The following TUBGCP6 variants were observed in gnomAD, a reference collection of about 807,000 sequenced individuals.
The protein encoded by TUBGCP6 is gamma-tubulin complex component 6.
TUBGCP6 carries 161 observed loss-of-function variants against 175.8 expected under a neutral mutation model. That is an observed-to-expected ratio of 0.92 (90% CI 0.81 to 1.04). The LOEUF (loss-of-function observed/expected upper bound fraction) is 1.04, where lower values mean the gene tolerates loss of function less well. Ranked by LOEUF, TUBGCP6 falls within the 50% of genes least tolerant of loss-of-function variation. The pLI is 0.00. For missense variants in TUBGCP6, 2,572 were observed against 2,433.0 expected, an observed-to-expected ratio of 1.06 and a Z score of -1.20; for synonymous variants, 1,173 against 1,030.5, an observed-to-expected ratio of 1.14 and a Z score of -2.65.
intron 21 of TUBGCP6, 21 bp downstream of exon 21, chr22:50,218,682 G>T: frequency 8.7e-6 from 14 of 1,613,264 alleles, no homozygotes; most frequent in Non-Finnish European, 1.1e-5. Context: ...CCCATCCCCC[G>T]CGGCCAGGGC....
Position 50,219,473 on chromosome 22 carries a change from A to G in TUBGCP6, c.4316-17T>C. ...GCGGCTCGGCTGCGGGAGATGGAGC[A>G]CGCACGTGCTGGGAACCGGCCAGCC... On this transcript the variant is annotated splice_polypyrimidine_tract_variant and intron_variant, in intron 18 of 24. Coordinates refer to ENST00000248846, the MANE Select transcript of TUBGCP6 (RefSeq NM_020461.4). The G allele has an allele frequency of 6.3e-7, 1 of 1,590,334 alleles. No homozygotes were observed. The highest frequency in any genetic ancestry group is 8.6e-7 in the Non-Finnish European group (1 of 1,169,532).
intron 10 of TUBGCP6, 57 bp from the exon 11 acceptor site, chr22:50,224,649 G>A (rs987527732): frequency 1.9e-6 from 3 of 1,577,432 alleles, no homozygotes; most frequent in Non-Finnish European, 2.6e-6. Flanking sequence ...GCTCACGCCT[G>A]TAATCCTGGC....
At chr22:50,223,468 G>A (rs1442375983) in intron 13 of TUBGCP6, 1 of 153,124 alleles carries the variant, frequency 6.5e-6, no homozygotes, top group Non-Finnish European at 1.5e-5. Context: ...GACAGACGCA[G>A]ATGCTGTGCT....
At chr22:50,242,662 G>C (rs749718796) in intron 1 of TUBGCP6, among the ~76,000 whole-genome samples, 5 of 152,354 alleles carry the variant, frequency 3.3e-5, no homozygotes, top group South Asian at 2.1e-4. Context: ...GAGCTACAGC[G>C]TACCATGGTA....
rs1258279357 is a variant in TUBGCP6 at position 50,225,813 on chromosome 22, G to C, written c.1964C>G (p.Ser655Cys). Residue 655 changes from serine to cysteine, a missense_variant, in exon 10 of 25, where the codon TCT becomes TGT. Ser to Cys is a moderately radical substitution (Grantham distance 112, BLOSUM62 -1). Coordinates refer to ENST00000248846, the MANE Select transcript of TUBGCP6 (RefSeq NM_020461.4). The part of the protein sequence containing the change: ...GRMERVARHS[S>C]VSKEEKELRM... ...ACGCACCTTCTCCTCCTTGCTGACA[G>C]AGCTGTGGCGGGCCACCCTCTCCAT... The C allele has an allele frequency of 6.2e-7, 1 of 1,613,328 alleles. No homozygotes were observed. The highest frequency in any genetic ancestry group is 8.5e-7 in the Non-Finnish European group (1 of 1,179,644).
Position 50,221,426 on chromosome 22 carries a change from C to A in TUBGCP6, c.2933G>T (p.Gly978Val). The change falls in exon 16 of 25, where the codon GGC becomes GTC. Residue 978 changes from glycine to valine, a missense_variant. Gly to Val is a moderately radical substitution (Grantham distance 109). Transcript: ENST00000248846. The stretch of plus-strand genomic sequence containing the variant: ...CTCCCACAGCTGTAGCCCTGAGCTG[C>A]CCAAGCTGCACTCTGCAGCCTGCAG... ...GPLQAAECSL[G>V]SSGLQLWEDS... The A allele has an allele frequency of 6.2e-7, 1 of 1,601,416 alleles. No individual in the cohort carries two copies.
chr22:50,221,829 C>T lies in TUBGCP6; in HGVS notation c.2530G>A (p.Asp844Asn), dbSNP rs1312677663. The change falls in exon 16 of 25, where the codon GAT (aspartate) becomes AAT (asparagine). Residue 844 changes from aspartate to asparagine, a missense_variant. Transcript: ENST00000248846. ...GAGTGTTGCTCTGCAGACCCAGAAT[C>T]ACAGCCTTGGCCTCCCTCTGGGTGC... ...PEHPEGGQGC[D>N]SGSAEQHSPA... 1 of 1,511,270 alleles carries T rather than the reference C, an allele frequency of 6.6e-7. No homozygotes were observed. Among genetic ancestry groups the T allele is most frequent in the South Asian group, 1.3e-5 (1 of 74,994 alleles). 93.6% of individuals were successfully genotyped at this position (1,511,270 alleles called of 1,614,324 possible). A position where few individuals can be genotyped will look rare whatever the true frequency, so the allele number is the denominator to read the frequency against.
Position 50,220,232 on chromosome 22 carries a change from C to G in TUBGCP6, c.4108+19G>C, listed in dbSNP as rs2064493640. 6.5e-7 allele frequency: 1 copy of G among 1,543,650 alleles called. No individual in the cohort carries two copies. The highest frequency in any genetic ancestry group is 1.2e-5 in the South Asian group (1 of 80,822). The stretch of plus-strand genomic sequence containing the variant: ...CGTCCCACAGTCCCACTCCTGACCA[C>G]CAGCCACCCTACTCTGACCTAGTTC... On this transcript the variant is annotated intron_variant, in intron 16 of 24. Coordinates refer to ENST00000248846, the MANE Select transcript of TUBGCP6 (RefSeq NM_020461.4).
At chr22:50,238,560 C>T (rs1351570412) in intron 2 of TUBGCP6, among the ~76,000 whole-genome samples, 6 of 135,100 alleles carry the variant, frequency 4.4e-5, no homozygotes, top group African/African-American at 8.4e-5. Context: ...TTTTTTGAGA[C>T]GGAGTCTCGC....
chr22:50,226,276 C>T lies in TUBGCP6; in HGVS notation c.1693+11G>A. ...GCACGGACCCCTGCCCCGCAATCAG[C>T]TGCCACCTACCTCGGAAGCTGAGGT... is the stretch of plus-strand genomic sequence containing the variant. On this transcript the variant is annotated intron_variant, in intron 8 of 24. Coordinates refer to ENST00000248846, the MANE Select transcript of TUBGCP6 (RefSeq NM_020461.4). 6.2e-7 allele frequency: 1 copy of T among 1,614,046 alleles called. No individual in the cohort carries two copies. The highest frequency in any genetic ancestry group is 8.5e-7 in the Non-Finnish European group (1 of 1,180,010).
At position 50,244,370 on chromosome 22, in the gene TUBGCP6, C is replaced by T. The variant is rs778636458; in HGVS notation, c.90G>A (p.Arg30=). ...KTHLGQRSVN[R]KRAKRSLKKV... Reference sequence around the variant, plus strand: ...TCTTGAGGCTCCGCTTTGCCCTCTTCCGGTTCACACTGCGCTGGCCCAGGT... The same window carrying T: ...TCTTGAGGCTCCGCTTTGCCCTCTTTCGGTTCACACTGCGCTGGCCCAGGT... Residue 30 remains arginine, a synonymous_variant, in exon 1 of 25, where the codon CGG becomes CGA. Transcript: ENST00000248846. 10 of 1,613,286 alleles carry T rather than the reference C, an allele frequency of 6.2e-6. No homozygotes were observed. In the East Asian group the frequency reaches 8.9e-5, roughly 14 times the overall value.
rs192806961 is a variant in TUBGCP6, at chr22:50,224,204, C to T, written c.2207G>A (p.Arg736His). The T allele has an allele frequency of 5.7e-5, 92 of 1,614,112 alleles. No individual in the cohort carries two copies. In the African/African-American group the frequency reaches 7.6e-4, roughly 13 times the overall value. ...CCTTCTCTCCCTGTCTCGGAGTTCA[C>T]GGGCGTAGCTGAAGTCATCATCCAG... ...EELDDDFSYA[R>H]ELRDRERRLK... Residue 736 changes from arginine (R) to histidine (H), a missense_variant, in exon 13 of 25, where the codon CGT (arginine) becomes CAT (histidine). Coordinates refer to ENST00000248846, the MANE Select transcript of TUBGCP6 (RefSeq NM_020461.4).
At chr22:50,233,918 A>G (rs1004285966) in intron 2 of TUBGCP6, among the ~76,000 whole-genome samples, 5 of 152,070 alleles carry the variant, frequency 3.3e-5, no homozygotes, top group Admixed American at 1.3e-4. Flanking sequence ...ACACCCATGT[A>G]CACAACAGCA....
intron 3 of TUBGCP6, among the ~76,000 whole-genome samples, chr22:50,231,817 G>A (rs1306677116): frequency 1.4e-5 from 2 of 140,016 alleles, no homozygotes; most frequent in Admixed American, 7.4e-5. Context: ...CCGAGATCGC[G>A]CCACTGCCCT....
chr22:50,234,766 C>T, intron 2 of TUBGCP6, among the ~76,000 whole-genome samples: 1 of 149,358 alleles, frequency 6.7e-6, no homozygotes, highest in Admixed American at 6.7e-5. Flanking sequence ...AGCACCCACA[C>T]CCCCGTCCAC....
chr22:50,240,833 A>C (rs957447921), intron 1 of TUBGCP6, among the ~76,000 whole-genome samples: 2 of 152,214 alleles, frequency 1.3e-5, no homozygotes, highest in African/African-American at 4.8e-5. Context: ...TACTAAAAAT[A>C]TAAAAATCGG....
chr22:50,218,460 G>A (rs372030382), intron 22 of TUBGCP6, 28 bp downstream of exon 22: 46 of 1,612,988 alleles, frequency 2.9e-5, no homozygotes, highest in Admixed American at 3.3e-5. Flanking sequence ...CCAGGGGTGC[G>A]GGGCGCCGGG....
intron 1 of TUBGCP6, 106 bp from the exon 2 acceptor site, chr22:50,240,473 T>C (rs992007871): frequency 9.5e-6 from 13 of 1,371,734 alleles, no homozygotes; most frequent in Admixed American, 2.0e-5. Context: ...ACAAAATGTT[T>C]CTTCTGTTTT....
At chr22:50,230,675 G>A (rs1446149324) in intron 3 of TUBGCP6, among the ~76,000 whole-genome samples, 1 of 151,764 alleles carries the variant, frequency 6.6e-6, no homozygotes, top group Admixed American at 6.6e-5. Flanking sequence ...CTACTCGGGA[G>A]GCTGAGGCAG....
Sources: gnomAD v4.1 joint callset for allele counts (sites outside exome capture counted in the v4.1 genomes callset) on GRCh38, gnomAD v4.1.1 for gene constraint, MANE v1.5 for transcripts, NCBI Gene and HGNC (gene_info 2026-07-23, HGNC 2026-07-21) for gene names.